Variants in PHTF2 observed in about 807,000 individuals in gnomAD.
The protein encoded by PHTF2 is putative homeodomain transcription factor 2, also known as protein PHTF2.
Under a neutral mutation model 101.2 loss-of-function variants are expected in PHTF2, and 60 were observed. That is an observed-to-expected ratio of 0.59 (90% CI 0.48 to 0.73). The LOEUF (loss-of-function observed/expected upper bound fraction) is 0.73, where lower values mean the gene tolerates loss of function less well. Among genes scored for constraint, PHTF2 ranks in the 30% least tolerant of loss-of-function variants. The pLI, the probability that PHTF2 is intolerant of heterozygous loss-of-function variation, is 0.00. For missense variants in PHTF2, 747 were observed against 908.7 expected (o/e 0.82, Z 2.29); for synonymous variants, 311 against 307.3 (o/e 1.01, Z -0.13).
At chr7:77,932,834 G>A (rs1328175299) in intron 12 of PHTF2, among the ~76,000 whole-genome samples, 1 of 150,662 alleles carries the variant, frequency 6.6e-6, no homozygotes, top group Non-Finnish European at 1.5e-5. Flanking sequence ...GCCACACACT[G>A]TGCAAAGTAA....
intron 2 of PHTF2, among the ~76,000 whole-genome samples, chr7:77,845,655 G>A (rs1796219077): frequency 6.6e-6 from 1 of 152,104 alleles, no homozygotes; most frequent in South Asian, 2.1e-4. Context: ...ATGCACACGT[G>A]TGTGTGTGTA....
intron 3 of PHTF2, among the ~76,000 whole-genome samples, chr7:77,866,547 A>G (rs950399124): frequency 3.9e-5 from 6 of 152,168 alleles, no homozygotes; most frequent in African/African-American, 7.2e-5. Flanking sequence ...ATTGGAAGTC[A>G]GAAGCTGGGT....
intron 1 of PHTF2, among the ~76,000 whole-genome samples, chr7:77,816,185 G>A (rs184468064): frequency 1.7e-4 from 26 of 151,824 alleles, no homozygotes; most frequent in Admixed American, 1.4e-3. Flanking sequence ...AGTGATTCTC[G>A]TGCCTCAGTC....
chr7:77,892,900 G>C (rs1218879610), intron 3 of PHTF2, among the ~76,000 whole-genome samples: 1 of 152,102 alleles, frequency 6.6e-6, no homozygotes, highest in Non-Finnish European at 1.5e-5. Context: ...GGTAATTGCA[G>C]TCTGCATGTT....
At chr7:77,823,200 G>C (rs777935264) in intron 1 of PHTF2, among the ~76,000 whole-genome samples, 2 of 150,530 alleles carry the variant, frequency 1.3e-5, no homozygotes, top group Non-Finnish European at 3.0e-5. Context: ...CACCGCGCCC[G>C]GCCAAATATT....
intron 3 of PHTF2, among the ~76,000 whole-genome samples, chr7:77,871,253 A>G (rs1440329970): frequency 6.6e-6 from 1 of 152,186 alleles, no homozygotes; most frequent in Non-Finnish European, 1.5e-5. Flanking sequence ...TGATATTAAG[A>G]GACGCCTTAA....
At chr7:77,829,462 G>A (rs1002862476) in intron 1 of PHTF2, among the ~76,000 whole-genome samples, 2 of 152,106 alleles carry the variant, frequency 1.3e-5, no homozygotes, top group Non-Finnish European at 1.5e-5. Flanking sequence ...ACCATAAAAC[G>A]TGTGGTGTTT....
chr7:77,955,518 TTAAC>T (rs1806939470), exon 20 of PHTF2: 2 of 152,550 alleles, frequency 1.3e-5, no homozygotes, highest in African/African-American at 4.8e-5. Context: ...TTGATAAAAA[TTAAC>T]TAGTAATACT....
intron 1 of PHTF2, among the ~76,000 whole-genome samples, chr7:77,835,761 A>G (rs184588906): frequency 2.6e-5 from 4 of 152,158 alleles, no homozygotes; most frequent in African/African-American, 9.7e-5. Context: ...TTTATATGTT[A>G]TATGTTTATA....
chr7:77,808,847 C>T (rs976305859), intron 1 of PHTF2, among the ~76,000 whole-genome samples: 14 of 152,054 alleles, frequency 9.2e-5, no homozygotes, highest in African/African-American at 1.4e-4. Context: ...TCCACTCTTT[C>T]GGGGATGTGC....
At chr7:77,891,819 C>G (rs896056860) in intron 3 of PHTF2, among the ~76,000 whole-genome samples, 46 of 152,064 alleles carry the variant, frequency 3.0e-4, no homozygotes, top group African/African-American at 1.1e-3. Context: ...CTCCTGGGCT[C>G]AAGCGATTCT....
chr7:77,938,731 C>G (rs1243871969), intron 13 of PHTF2, among the ~76,000 whole-genome samples: 4 of 152,200 alleles, frequency 2.6e-5, no homozygotes, highest in South Asian at 2.1e-4. Flanking sequence ...GAGCCAAGAT[C>G]ACGCCACTGC....
intron 1 of PHTF2, among the ~76,000 whole-genome samples, chr7:77,809,152 GA>G (rs1209701941): frequency 1.3e-5 from 2 of 151,082 alleles, no homozygotes; most frequent in Non-Finnish European, 2.9e-5. Context: ...TCCCTTGAAA[GA>G]AATGTAGGCA....
chr7:77,821,214 C>G (rs1381115444), intron 1 of PHTF2, among the ~76,000 whole-genome samples: 2 of 151,866 alleles, frequency 1.3e-5, no homozygotes, highest in Admixed American at 1.3e-4. Context: ...TGTTATTAGT[C>G]TAATGGGAAT....
intron 1 of PHTF2, among the ~76,000 whole-genome samples, chr7:77,832,706 G>A (rs997886778): frequency 6.6e-6 from 1 of 151,848 alleles, no homozygotes; most frequent in African/African-American, 2.4e-5. Flanking sequence ...GGGTGTCACT[G>A]TCTTCCATCA....
chr7:77,953,839 T>C, exon 19 of PHTF2: 7 of 1,613,164 alleles, frequency 4.3e-6, no homozygotes, highest in Non-Finnish European at 5.1e-6. Flanking sequence ...ACCCAGGTTG[T>C]TATCCTGTCA....
chr7:77,855,141 C>G lies in PHTF2; in HGVS notation c.147+307C>G, dbSNP rs374675043. ...TGCAGTGAGTACCGCCTGGGTACCA[C>G]TTATGTGTATTCAAGACCCAAGGGG... On this transcript the variant is annotated intron_variant, in intron 3 of 19. Transcript: ENST00000416283. Among the ~76,000 whole-genome samples, 8 of 152,336 alleles carry G rather than the reference C, an allele frequency of 5.3e-5. No individual in the cohort carries two copies. The East Asian group carries it at 1.4e-3, about 26-fold the overall frequency.
At chr7:77,911,123 T>C (rs2150871324) in intron 9 of PHTF2, among the ~76,000 whole-genome samples, 1 of 152,310 alleles carries the variant, frequency 6.6e-6, no homozygotes, top group East Asian at 1.9e-4. Context: ...ATAAAATGTA[T>C]ATTATAGTAT....
exon 20 of PHTF2, chr7:77,955,555 C>T (rs1806942506): frequency 6.6e-6 from 1 of 152,526 alleles, no homozygotes; most frequent in African/African-American, 2.4e-5. Flanking sequence ...AAACACTGGG[C>T]TGTTTGCACA....
Sources: gnomAD v4.1 joint callset for allele counts (sites outside exome capture counted in the v4.1 genomes callset) on GRCh38, gnomAD v4.1.1 for gene constraint, MANE v1.5 for transcripts, NCBI Gene and HGNC (gene_info 2026-07-23, HGNC 2026-07-21) for gene names.